PCDHGA2: variants seen among roughly 807,000 people sequenced by gnomAD.
The protein encoded by PCDHGA2 is protocadherin gamma subfamily A, 2.
Under a neutral mutation model 59.2 loss-of-function variants are expected in PCDHGA2, and 40 were observed. The observed-to-expected ratio is 0.68, with a 90% CI of 0.52 to 0.88. The LOEUF (loss-of-function observed/expected upper bound fraction) is 0.88, where lower values mean the gene tolerates loss of function less well. PCDHGA2 is among the 40% of genes least tolerant of loss of function. PCDHGA2 has a pLI of 0.00. For synonymous variants in PCDHGA2, 560 were observed against 526.0 expected (o/e 1.06, Z -0.89); for missense variants, 1,226 against 1,204.0 (o/e 1.02, Z -0.27).
chr5:141,505,520 C>T, intron 3 of PCDHGA2, 39 bp downstream of exon 3: 1 of 1,612,650 alleles, frequency 6.2e-7, no homozygotes, highest in Non-Finnish European at 8.5e-7. Flanking sequence ...AGTGGGAGAC[C>T]TGGGGTTCTG....
At position 141,430,258 on chromosome 5, in the gene PCDHGA2, A is replaced by G. The variant is rs542653323; in HGVS notation, c.2425-64549A>G. On this transcript the variant is annotated intron_variant, in intron 1 of 3. Coordinates refer to ENST00000394576, the MANE Select transcript of PCDHGA2 (RefSeq NM_018915.4). ...GAGAAACTCCTAGGGAGACATCTCC[A>G]TAATAGGTGTGTTGGGGGAACAGTA... is the stretch of plus-strand genomic sequence containing the variant. Among the ~76,000 whole-genome samples the G allele has an allele frequency of 5.4e-5, 8 of 148,074 alleles. No homozygotes were observed. In the South Asian group the frequency reaches 8.5e-4, roughly 16 times the overall value.
rs779065098 is a variant in PCDHGA2 at position 141,491,758 on chromosome 5, C to T, written c.2425-3049C>T. 1.8e-5 allele frequency: 29 copies of T among 1,578,670 alleles called. No homozygotes were observed. Among genetic ancestry groups the T allele is most frequent in the Non-Finnish European group, 2.2e-5 (26 of 1,163,530 alleles). ...TGGGGGCGGCACTGGAGAAGCCGCC[C>T]GTCCTCATAAGGGATTGAACTTGCA... On this transcript the variant is annotated intron_variant, in intron 1 of 3. Transcript: ENST00000394576. The surrounding 1 kb of genome is among the most constrained non-coding windows in gnomAD (Gnocchi z 6.9).
intron 1 of PCDHGA2, chr5:141,403,329 T>C (rs1325114096): frequency 1.2e-6 from 2 of 1,613,990 alleles, no homozygotes; most frequent in Admixed American, 1.7e-5. Context: ...GTAACTGATA[T>C]TAACGACAGC....
chr5:141,375,184 C>A (rs757225197), intron 1 of PCDHGA2: 23 of 1,613,856 alleles, frequency 1.4e-5, no homozygotes, highest in Middle Eastern at 1.6e-4. Context: ...CAGTAATCGC[C>A]CTTTTTCAAG....
At chr5:141,421,717 G>T in intron 1 of PCDHGA2, 2 of 1,613,932 alleles carry the variant, frequency 1.2e-6, no homozygotes, top group East Asian at 4.5e-5. Context: ...TCCAGATGTG[G>T]GCGTGAACTC....
Position 141,410,070 on chromosome 5 carries a change from C to A in PCDHGA2, c.2424+68675C>A, listed in dbSNP as rs1368179504. On this transcript the variant is annotated intron_variant, in intron 1 of 3. Transcript: ENST00000394576. ...GGACTCTTCAGCCTGGGGCTGCGCA[C>A]TGGGGAGGTGCGCACGGCTCGAGCC... 6.2e-7 allele frequency: 1 copy of A among 1,612,806 alleles called. No homozygotes were observed. The highest frequency in any genetic ancestry group is 1.3e-5 in the African/African-American group (1 of 74,938).
chr5:141,383,797 G>T, intron 1 of PCDHGA2: 1 of 1,613,962 alleles, frequency 6.2e-7, no homozygotes. Flanking sequence ...GCTTACAGGA[G>T]AAATATCAAC....
chr5:141,381,416 C>T (rs995030864), intron 1 of PCDHGA2, among the ~76,000 whole-genome samples: 2 of 152,236 alleles, frequency 1.3e-5, no homozygotes, highest in African/African-American at 2.4e-5. Context: ...AGTGGAGAGA[C>T]GAGTACCTCT....
intron 1 of PCDHGA2, chr5:141,362,177 C>T (rs757621451): frequency 1.9e-6 from 3 of 1,613,916 alleles, no homozygotes; most frequent in Non-Finnish European, 2.5e-6. Flanking sequence ...CGCCGGGAGC[C>T]CTCTGACCCC....
At position 141,485,229 on chromosome 5, in the gene PCDHGA2, TC is replaced by T; in HGVS notation, c.2425-9576del. On this transcript the variant is annotated intron_variant, in intron 1 of 3. Transcript: ENST00000394576. The surrounding 1 kb of genome is among the most constrained non-coding windows in gnomAD (Gnocchi z 5.7). ...ATCTGGCGGTGGGCTACCCTTTTGT[TC>T]CTCTTTTACCACCTGGGTTACGTTT... 6.2e-7 allele frequency: 1 copy of T among 1,614,160 alleles called. No homozygotes were observed. The highest frequency in any genetic ancestry group is 8.5e-7 in the Non-Finnish European group (1 of 1,180,022).
intron 1 of PCDHGA2, among the ~76,000 whole-genome samples, chr5:141,438,702 C>A (rs1217378337): frequency 5.7e-5 from 8 of 140,876 alleles, no homozygotes; most frequent in Non-Finnish European, 4.6e-5. Flanking sequence ...GCTCTGTCAC[C>A]CAGGCTGGAG....
intron 1 of PCDHGA2, chr5:141,468,632 C>G (rs1385644482): frequency 6.6e-6 from 1 of 151,628 alleles, no homozygotes; most frequent in Non-Finnish European, 1.5e-5. Context: ...TTTGGGAGGC[C>G]GAGGTGGGCG....
chr5:141,454,564 G>A (rs896426143), intron 1 of PCDHGA2, among the ~76,000 whole-genome samples: 1 of 151,874 alleles, frequency 6.6e-6, no homozygotes, highest in Non-Finnish European at 1.5e-5. Context: ...GTGCCACCAC[G>A]CCCGGCTAAT....
chr5:141,352,300 C>A (rs1333992954), intron 1 of PCDHGA2: 2 of 1,613,972 alleles, frequency 1.2e-6, no homozygotes, highest in Non-Finnish European at 1.7e-6. Context: ...CCTCTGACCC[C>A]CAGACGGAAC....
At chr5:141,506,444 CAAAAAAAA>C (rs1219684339) in intron 3 of PCDHGA2, among the ~76,000 whole-genome samples, 24 of 95,024 alleles carry the variant, frequency 2.5e-4, no homozygotes, top group African/African-American at 9.5e-4. Flanking sequence ...CGCTCTGTCT[CAAAAAAAA>C]AAAAAAAAAA....
intron 1 of PCDHGA2, chr5:141,427,597 T>C: frequency 1.5e-6 from 1 of 682,152 alleles, no homozygotes; most frequent in Non-Finnish European, 2.7e-6. Context: ...AGCCTCACCC[T>C]ACGCATTGGT....
At chr5:141,464,223 CCACTGCA>C (rs916210777) in intron 1 of PCDHGA2, among the ~76,000 whole-genome samples, 4 of 150,824 alleles carry the variant, frequency 2.7e-5, no homozygotes, top group Non-Finnish European at 4.4e-5. Flanking sequence ...TGAGATTGCG[CCACTGCA>C]CTCCAGCCTG....
chr5:141,409,502 T>C, intron 1 of PCDHGA2: 2 of 1,613,986 alleles, frequency 1.2e-6, no homozygotes, highest in South Asian at 1.1e-5. Flanking sequence ...GCCTCTTTCT[T>C]CCAGTAGAAG....
rs768135284 is a variant in PCDHGA2, at chr5:141,489,277, T to C, written c.2425-5530T>C. ...GACACTCCCACAGCTCGCTGGGAAA[T>C]GGCAAGTGCTGTGCATGTTGTCCTT... On this transcript the variant is annotated intron_variant, in intron 1 of 3. Transcript: ENST00000394576. This position sits in a 1 kb window ranked among gnomAD's most constrained non-coding sequence, Gnocchi z 4.5. 7.1e-6 allele frequency: 11 copies of C among 1,556,078 alleles called. No individual in the cohort carries two copies. Among genetic ancestry groups the C allele is most frequent in the South Asian group, 3.7e-5 (3 of 80,348 alleles).
Sources: allele counts gnomAD v4.1 joint callset (sites outside exome capture counted in the v4.1 genomes callset), GRCh38; gene constraint gnomAD v4.1.1; non-coding constraint Gnocchi (gnomAD v3.1); transcripts MANE v1.5; gene names NCBI Gene and HGNC (gene_info 2026-07-23, HGNC 2026-07-21).